Variants in ITGB8 observed in about 807,000 individuals in gnomAD.
ITGB8 encodes integrin beta-8.
Under a neutral mutation model 89.5 loss-of-function variants are expected in ITGB8, and 30 were observed. That is an observed-to-expected ratio of 0.34 (90% confidence interval 0.25 to 0.45). The LOEUF (loss-of-function observed/expected upper bound fraction) is 0.45, where lower values mean the gene tolerates loss of function less well. Among genes scored for constraint, ITGB8 ranks in the 20% least tolerant of loss-of-function variants. The pLI is 1.00. For missense variants in ITGB8, 836 were observed against 933.3 expected, an observed-to-expected ratio of 0.90 and a Z score of 1.36; for synonymous variants, 335 against 320.4, an observed-to-expected ratio of 1.05 and a Z score of -0.49.
In ITGB8 at chr7:20,413,656, T is replaced by C. The variant is rs990845631; in HGVS notation, c.*3659T>C. 1 of 152,096 alleles carries C rather than the reference T, an allele frequency of 6.6e-6. No homozygotes were observed. Among genetic ancestry groups the C allele is most frequent in the South Asian group, 2.1e-4 (1 of 4,828 alleles). 9.4% of individuals were successfully genotyped at this position (152,096 alleles called of 1,614,324 possible). On this transcript the variant is annotated 3_prime_UTR_variant, in exon 14 of 14. Coordinates refer to ENST00000222573, the MANE Select transcript of ITGB8 (RefSeq NM_002214.3). ...GTTCTTCATTTCCAGACATCTTTAATTGATCTTAAAGCTCATTTGAGTCTT... is the reference window on the plus strand; with the variant it reads ...GTTCTTCATTTCCAGACATCTTTAACTGATCTTAAAGCTCATTTGAGTCTT...
At chr7:20,344,411 C>T (rs951678285) in intron 1 of ITGB8, among the ~76,000 whole-genome samples, 2 of 152,152 alleles carry the variant, frequency 1.3e-5, no homozygotes, top group Non-Finnish European at 2.9e-5. Flanking sequence ...GCGAGATGGT[C>T]TTAAAATGCA....
intron 3 of ITGB8, among the ~76,000 whole-genome samples, chr7:20,370,941 C>T (rs1785911588): frequency 1.3e-5 from 2 of 152,002 alleles, no homozygotes; most frequent in African/African-American, 4.8e-5. Context: ...TTAGGGGATG[C>T]CTAGAAGCTA....
At chr7:20,361,149 C>T (rs1247923619) in intron 1 of ITGB8, among the ~76,000 whole-genome samples, 1 of 152,012 alleles carries the variant, frequency 6.6e-6, no homozygotes, top group East Asian at 1.9e-4. Flanking sequence ...ACATGAATGT[C>T]TTCTCTTGAG....
At chr7:20,363,830 C>T (rs1785593804) in intron 2 of ITGB8, 108 bp downstream of exon 2, 1 of 510,072 alleles carries the variant, frequency 2.0e-6, no homozygotes, top group South Asian at 6.3e-5. Flanking sequence ...AATAAAGATA[C>T]TGCTGAACAT....
At chr7:20,341,010 GCAATAGAA>G (rs1193448794) in intron 1 of ITGB8, among the ~76,000 whole-genome samples, 1 of 152,176 alleles carries the variant, frequency 6.6e-6, no homozygotes, top group Non-Finnish European at 1.5e-5. Flanking sequence ...TTCATTGACT[GCAATAGAA>G]CAAAGGATGC....
chr7:20,404,378 G>A (rs1212332188), intron 10 of ITGB8, among the ~76,000 whole-genome samples: 1 of 152,236 alleles, frequency 6.6e-6, no homozygotes, highest in Non-Finnish European at 1.5e-5. Context: ...AGCCACTGAA[G>A]CAGGGGTGCC....
chr7:20,388,035 TAAAGAG>T lies in ITGB8; in HGVS notation c.961-3365_961-3360del, dbSNP rs145930959. ...ATTTATATTATGGATCTCACTTGTA[TAAAGAG>T]AATCTTAAATGCTTTTTTATCCACG... On this transcript the variant is annotated intron_variant, in intron 6 of 13. Coordinates refer to ENST00000222573, the MANE Select transcript of ITGB8 (RefSeq NM_002214.3). Among the ~76,000 whole-genome samples, 521 of 152,352 alleles carry T rather than the reference TAAAGAG, an allele frequency of 3.4e-3. 2 individuals carry two copies. The highest frequency in any genetic ancestry group is 5.1e-3 in the Non-Finnish European group (346 of 68,038).
At position 20,410,464 on chromosome 7, in the gene ITGB8, G is replaced by C. The variant is rs946187628; in HGVS notation, c.*467G>C. On this transcript the variant is annotated 3_prime_UTR_variant, in exon 14 of 14. Transcript: ENST00000222573. ...GTTGCCAAACACTTCAACAGTTGGT[G>C]GTTGAATAGACAAGAACAGCTAGAT... 1 of 155,232 alleles carries C rather than the reference G, an allele frequency of 6.4e-6. No individual in the cohort carries two copies. The highest frequency in any genetic ancestry group is 2.4e-5 in the African/African-American group (1 of 41,468). The allele number at this position is 155,232 out of a possible 1,614,324, so 9.6% of individuals were successfully genotyped here.
At chr7:20,349,236 G>A (rs952069727) in intron 1 of ITGB8, among the ~76,000 whole-genome samples, 2 of 152,008 alleles carry the variant, frequency 1.3e-5, no homozygotes, top group African/African-American at 4.8e-5. Flanking sequence ...ATTTGGCATT[G>A]AGGATAGAAG....
At chr7:20,402,221 A>C in intron 10 of ITGB8, 95 bp downstream of exon 10, 1 of 1,090,728 alleles carries the variant, frequency 9.2e-7, no homozygotes, top group Non-Finnish European at 1.3e-6. Flanking sequence ...TAAATTAGCA[A>C]AACTGAATCT....
intron 7 of ITGB8, among the ~76,000 whole-genome samples, chr7:20,392,136 AC>A (rs941459589): frequency 1.3e-5 from 2 of 152,062 alleles, no homozygotes; most frequent in Admixed American, 1.3e-4. Context: ...TTCCTCTGCA[AC>A]CCTGTTATAG....
rs963549835 is a variant in ITGB8, at chr7:20,380,756, T to C, written c.726T>C (p.His242=). 2 of 1,613,720 alleles carry C rather than the reference T, an allele frequency of 1.2e-6. No individual in the cohort carries two copies. The highest frequency in any genetic ancestry group is 2.2e-5 in the East Asian group (1 of 44,884). The change falls in exon 5 of 14, where the codon CAT becomes CAC. Residue 242 remains histidine, a synonymous_variant. Coordinates refer to ENST00000222573, the MANE Select transcript of ITGB8 (RefSeq NM_002214.3). ...TCACTGAGTTTGAGAAAGCAGTTCA[T>C]AGACAGAAGATCTCTGGAAACATAG... is the stretch of plus-strand genomic sequence containing the variant. ...ENITEFEKAV[H]RQKISGNIDT...
chr7:20,395,418 T>G (rs75685512), intron 8 of ITGB8, among the ~76,000 whole-genome samples: 14,565 of 152,286 alleles, frequency 0.096, 932 homozygotes, highest in East Asian at 0.36. Context: ...AGGAGTCGGT[T>G]GGGATCTCTA....
chr7:20,340,681 G>C (rs1447955827), intron 1 of ITGB8, among the ~76,000 whole-genome samples: 4 of 148,418 alleles, frequency 2.7e-5, no homozygotes, highest in South Asian at 2.1e-4. Context: ...CCAGGTAAAG[G>C]CATTTTTTTT....
intron 1 of ITGB8, among the ~76,000 whole-genome samples, chr7:20,351,057 A>T (rs1006542662): frequency 1.3e-5 from 2 of 152,234 alleles, no homozygotes; most frequent in Non-Finnish European, 2.9e-5. Context: ...CCAAGGATGG[A>T]AAATAATCTT....
intron 8 of ITGB8, among the ~76,000 whole-genome samples, chr7:20,396,723 C>G (rs1197601883): frequency 2.0e-5 from 3 of 152,276 alleles, no homozygotes; most frequent in East Asian, 1.9e-4. Context: ...AGAAACCACT[C>G]TAAATTCTTT....
chr7:20,332,493 TAAAAA>T lies in ITGB8; in HGVS notation c.127+568_127+572del, dbSNP rs59402581. 6.9e-3 allele frequency among the ~76,000 whole-genome samples: 1,031 copies of T among 150,432 alleles called. 14 individuals are homozygous for T. The highest frequency in any genetic ancestry group is 0.023 in the African/African-American group (958 of 41,280). On this transcript the variant is annotated intron_variant, in intron 1 of 13. Transcript: ENST00000222573. ...GCTTTAAGTCATCATCCTTTCGGCT[TAAAAA>T]AAAAAAATACTATCTAATTGATCCC...
In ITGB8 at chr7:20,410,039, A is replaced by C; in HGVS notation, c.*42A>C. On this transcript the variant is annotated 3_prime_UTR_variant, in exon 14 of 14. Transcript: ENST00000222573. ...ACTTAATGGGAAACTGGAATTGTTA[A>C]TAATTGCTCCTAAAGATTATAATTT... 1 of 1,575,830 alleles carries C rather than the reference A, an allele frequency of 6.3e-7. No individual in the cohort carries two copies. Among genetic ancestry groups the C allele is most frequent in the Non-Finnish European group, 8.6e-7 (1 of 1,157,296 alleles).
chr7:20,385,069 T>G (rs1300370175), intron 6 of ITGB8, among the ~76,000 whole-genome samples: 3 of 152,218 alleles, frequency 2.0e-5, no homozygotes, highest in African/African-American at 7.2e-5. Flanking sequence ...ACTGAGGGTT[T>G]GGAATTTCAC....
Sources: allele counts gnomAD v4.1 joint callset (sites outside exome capture counted in the v4.1 genomes callset), GRCh38; gene constraint gnomAD v4.1.1; transcripts MANE v1.5; gene names NCBI Gene and HGNC (gene_info 2026-07-23, HGNC 2026-07-21).